The following NDE1 variants were observed in gnomAD, a reference collection of about 807,000 sequenced individuals.
NDE1 encodes nudE neurodevelopment protein 1.
NDE1 carries 28 observed loss-of-function variants against 43.4 expected under a neutral mutation model. That is an observed-to-expected ratio of 0.65 (90% CI 0.48 to 0.89). The LOEUF is 0.89. NDE1 is among the 40% of genes least tolerant of loss of function. NDE1 has a pLI of 0.00. For synonymous variants in NDE1, 184 were observed against 172.0 expected, an observed-to-expected ratio of 1.07 and a Z score of -0.55; for missense variants, 441 against 434.1, an observed-to-expected ratio of 1.02 and a Z score of -0.14.
upstream of NDE1, among the ~76,000 whole-genome samples, chr16:15,647,583 C>T (rs898480211): frequency 6.6e-6 from 1 of 152,128 alleles, no homozygotes; most frequent in African/African-American, 2.4e-5. Context: ...AATGGGCTTG[C>T]CTTAGTCATA....
chr16:15,671,256 C>T (rs1367585328), intron 3 of NDE1, among the ~76,000 whole-genome samples: 1 of 152,112 alleles, frequency 6.6e-6, no homozygotes, highest in Non-Finnish European at 1.5e-5. Flanking sequence ...GTAATCCCAG[C>T]CCTTTGAGAG....
intron 3 of NDE1, among the ~76,000 whole-genome samples, chr16:15,673,967 T>G (rs1365201247): frequency 6.6e-6 from 1 of 152,138 alleles, no homozygotes; most frequent in African/African-American, 2.4e-5. Context: ...GCCCAGTCAT[T>G]TGCTACTGGT....
chr16:15,655,342 G>A (rs540577993), intron 1 of NDE1, among the ~76,000 whole-genome samples: 9 of 152,146 alleles, frequency 5.9e-5, no homozygotes, highest in Admixed American at 2.0e-4. Flanking sequence ...TAGTAGAGAC[G>A]GGGTTCACCT....
intron 1 of NDE1, among the ~76,000 whole-genome samples, chr16:15,663,414 A>AT (rs201413391): frequency 0.028 from 4,131 of 148,760 alleles, 190 homozygotes; most frequent in African/African-American, 0.097. Flanking sequence ...TAATTTTTGT[A>AT]TTTTTTTTTA....
At chr16:15,715,488 G>A (rs1418059961) in intron 8 of NDE1, among the ~76,000 whole-genome samples, 1 of 152,208 alleles carries the variant, frequency 6.6e-6, no homozygotes, top group Admixed American at 6.5e-5. Context: ...CTTGCCAAGT[G>A]AAAGAAGACA....
chr16:15,664,387 C>A (rs567388810), intron 1 of NDE1, among the ~76,000 whole-genome samples: 2 of 152,038 alleles, frequency 1.3e-5, no homozygotes, highest in South Asian at 4.1e-4. Flanking sequence ...CACAGAGTCT[C>A]GGTCTGTCAC....
chr16:15,722,304 A>C (rs184067704), intron 8 of NDE1, among the ~76,000 whole-genome samples: 1 of 152,218 alleles, frequency 6.6e-6, no homozygotes, highest in Non-Finnish European at 1.5e-5. Context: ...AAGTATCCTA[A>C]GAGCCTCAGT....
rs1438208747 is a variant in NDE1, at chr16:15,718,379, T to A, written c.948-5812T>A. 4.4e-6 allele frequency: 7 copies of A among 1,605,506 alleles called. No individual in the cohort carries two copies. Among genetic ancestry groups the A allele is most frequent in the South Asian group, 1.1e-5 (1 of 90,404 alleles). On this transcript the variant is annotated intron_variant, in intron 8 of 8. Transcript: ENST00000396354. Reference sequence around the variant, plus strand: ...CATGTTGCCCTGCTCCTCCTCCAGCTCCTCCTCCAGCTGGGCGATCCGGGC... The same window carrying A: ...CATGTTGCCCTGCTCCTCCTCCAGCACCTCCTCCAGCTGGGCGATCCGGGC...
At chr16:15,691,918 A>T (rs1277983712) in intron 6 of NDE1, among the ~76,000 whole-genome samples, 1 of 151,962 alleles carries the variant, frequency 6.6e-6, no homozygotes, top group Non-Finnish European at 1.5e-5. Context: ...GGTGTGAGCC[A>T]CCGCGCCTGG....
intron 8 of NDE1, chr16:15,717,437 T>C: frequency 7.4e-7 from 1 of 1,353,814 alleles, no homozygotes; most frequent in Non-Finnish European, 1.0e-6. Flanking sequence ...TTGTTTGGCC[T>C]CTGCACGAGT....
Position 15,715,692 on chromosome 16 carries a change from A to G in NDE1, c.948-8499A>G, listed in dbSNP as rs377500682. On this transcript the variant is annotated intron_variant, in intron 8 of 8. Coordinates refer to ENST00000396354, the MANE Select transcript of NDE1 (RefSeq NM_017668.3). ...CAGGTTGGAGTGCAGTGGTGCTCCA[A>G]TGCCTGCTCTTCACCCTAGTTCATA... is the stretch of plus-strand genomic sequence containing the variant. Among the ~76,000 whole-genome samples the G allele has an allele frequency of 9.5e-4, 145 of 152,236 alleles. 3 individuals are homozygous for G. The South Asian group carries it at 0.016, about 17-fold the overall frequency.
rs1001928389 is a variant in NDE1 at position 15,677,874 on chromosome 16, A to G, written c.311A>G (p.Lys104Arg). The change falls in exon 4 of 9, where the codon AAA becomes AGA. Residue 104 changes from lysine to arginine, a missense_variant. Coordinates refer to ENST00000396354, the MANE Select transcript of NDE1 (RefSeq NM_017668.3). The stretch of plus-strand genomic sequence containing the variant: ...TTGGAGGATGACCTCGCGCAGACCA[A>G]AGCCATTAAAGACCAATTGCAGAAA... Reference protein sequence around the residue: ...SALEDDLAQTKAIKDQLQKYI... With the variant: ...SALEDDLAQTRAIKDQLQKYI... 1 of 1,614,020 alleles carries G rather than the reference A, an allele frequency of 6.2e-7. No homozygotes were observed. The highest frequency in any genetic ancestry group is 8.5e-7 in the Non-Finnish European group (1 of 1,180,030).
intron 1 of NDE1, among the ~76,000 whole-genome samples, chr16:15,657,071 G>A (rs2036805854): frequency 6.6e-6 from 1 of 151,716 alleles, no homozygotes; most frequent in Non-Finnish European, 1.5e-5. Context: ...GACTGAGACT[G>A]CCCTCAATAG....
At chr16:15,687,640 AT>A in intron 5 of NDE1, 129 bp downstream of exon 5, 1 of 930,268 alleles carries the variant, frequency 1.1e-6, no homozygotes, top group Non-Finnish European at 1.7e-6. Flanking sequence ...AGGTTGTCTA[AT>A]CAGAGGGTGT....
chr16:15,718,330 G>T lies in NDE1; in HGVS notation c.948-5861G>T. 3.1e-6 allele frequency: 5 copies of T among 1,609,192 alleles called. No individual in the cohort carries two copies. The highest frequency in any genetic ancestry group is 4.2e-6 in the Non-Finnish European group (5 of 1,179,962). On this transcript the variant is annotated intron_variant, in intron 8 of 8. Coordinates refer to ENST00000396354, the MANE Select transcript of NDE1 (RefSeq NM_017668.3). ...CGGCCCTCACCTGCTGTGTGGCTTT[G>T]CGGACCCGGTCGCTCATGGCCTCCA...
intron 4 of NDE1, among the ~76,000 whole-genome samples, chr16:15,681,597 T>C (rs1259731669): frequency 6.6e-6 from 1 of 152,168 alleles, no homozygotes; most frequent in Non-Finnish European, 1.5e-5. Context: ...TCGTTGTTTT[T>C]TTTCCCATGA....
Position 15,714,865 on chromosome 16 carries a change from T to C in NDE1, c.948-9326T>C, listed in dbSNP as rs763823880. 9 of 1,610,628 alleles carry C rather than the reference T, an allele frequency of 5.6e-6. No homozygotes were observed. The East Asian group carries it at 1.8e-4, about 32-fold the overall frequency. ...GGAGCCCGAGCCCCCAGTGCTTTTC[T>C]CTGGCCTGAGAGACGGGGTCCTCCC... On this transcript the variant is annotated intron_variant, in intron 8 of 8. Coordinates refer to ENST00000396354, the MANE Select transcript of NDE1 (RefSeq NM_017668.3).
intron 8 of NDE1, chr16:15,699,474 G>A: frequency 9.7e-7 from 1 of 1,035,028 alleles, no homozygotes; most frequent in South Asian, 2.0e-5. Flanking sequence ...ATGTTGCGTA[G>A]GCTGTAAAAC....
intron 8 of NDE1, chr16:15,708,982 A>G (rs1409929721): frequency 2.1e-6 from 2 of 937,056 alleles, no homozygotes; most frequent in Non-Finnish European, 3.3e-6. Context: ...AGTCTCTGTC[A>G]CCCAGGCTGG....
Sources: gnomAD v4.1 joint callset for allele counts (sites outside exome capture counted in the v4.1 genomes callset) on GRCh38, gnomAD v4.1.1 for gene constraint, MANE v1.5 for transcripts, NCBI Gene and HGNC (gene_info 2026-07-23, HGNC 2026-07-21) for gene names.